Variants in DNAJC10 observed in about 807,000 individuals in gnomAD.
DNAJC10 encodes DnaJ heat shock protein family (Hsp40) member C10, also known as endoplasmic reticulum disulfide reductase DNAJC10.
DNAJC10 carries 101 observed loss-of-function variants against 115.0 expected under a neutral mutation model. The observed-to-expected ratio is 0.88, with a 90% CI of 0.75 to 1.04. The LOEUF is 1.04. DNAJC10 is among the 50% of genes least tolerant of loss of function. The pLI is 0.00. For missense variants in DNAJC10, 981 were observed against 928.8 expected, an observed-to-expected ratio of 1.06 and a Z score of -0.73; for synonymous variants, 307 against 301.5, an observed-to-expected ratio of 1.02 and a Z score of -0.19.
chr2:182,716,408 G>C lies in DNAJC10; in HGVS notation c.-279G>C, dbSNP rs1486975810. The stretch of plus-strand genomic sequence containing the variant: ...CTTCTCTCCTGCACGCGGTGCTTGG[G>C]CTCGGCCAGGCGGGGTCCGCCGCCA... On this transcript the variant is annotated 5_prime_UTR_variant, in exon 1 of 24. Transcript: ENST00000264065. 1.3e-5 allele frequency: 2 copies of C among 152,548 alleles called. No homozygotes were observed. Among genetic ancestry groups the C allele is most frequent in the Admixed American group, 1.3e-4 (2 of 15,294 alleles). The allele number at this position is 152,548 out of a possible 1,614,324, so 9.4% of individuals were successfully genotyped here.
At chr2:182,753,579 G>GTTTTTTTTTTTTTTTTT in intron 16 of DNAJC10, among the ~76,000 whole-genome samples, 1 of 99,400 alleles carries the variant, frequency 1.0e-5, no homozygotes, top group Non-Finnish European at 1.9e-5. Context: ...CTTTAGTTTA[G>GTTTTTTTTTTTTTTTTT]TTTTTTTTTT....
chr2:182,757,596 A>G (rs1694189301), intron 18 of DNAJC10, 96 bp from the exon 19 acceptor site: 1 of 206,704 alleles, frequency 4.8e-6, no homozygotes, highest in African/African-American at 2.6e-5. Context: ...CTGATAAATA[A>G]TATAATAACT....
At chr2:182,759,390 A>C in intron 21 of DNAJC10, 83 bp downstream of exon 21, 2 of 1,409,318 alleles carry the variant, frequency 1.4e-6, no homozygotes, top group Non-Finnish European at 1.9e-6. Flanking sequence ...TGTAATTTTT[A>C]GGTTTTTTTC....
At chr2:182,724,167 T>C (rs1401563724) in intron 5 of DNAJC10, among the ~76,000 whole-genome samples, 3 of 152,342 alleles carry the variant, frequency 2.0e-5, no homozygotes, top group African/African-American at 7.2e-5. Flanking sequence ...GGATTAAATT[T>C]AATATAAGCC....
intron 10 of DNAJC10, among the ~76,000 whole-genome samples, chr2:182,735,461 GT>G (rs1482885564): frequency 8.6e-5 from 13 of 151,716 alleles, no homozygotes; most frequent in African/African-American, 2.9e-4. Context: ...GCTTTTAATT[GT>G]TTGTGATTTT....
At position 182,751,805 on chromosome 2, in the gene DNAJC10, C is replaced by G. The variant is rs1301134824; in HGVS notation, c.1434+20C>G. 5 of 1,607,110 alleles carry G rather than the reference C, an allele frequency of 3.1e-6. No individual in the cohort carries two copies. Among genetic ancestry groups the G allele is most frequent in the Non-Finnish European group, 1.7e-6 (2 of 1,178,386 alleles). ...GCCCCCGTAAGTTATTTTTATCTGT[C>G]AGATTCTAACATTGTCAGATCTTCT... On this transcript the variant is annotated intron_variant, in intron 15 of 23. Transcript: ENST00000264065.
chr2:182,720,472 C>T (rs570368009), intron 4 of DNAJC10, among the ~76,000 whole-genome samples: 51 of 152,258 alleles, frequency 3.3e-4, no homozygotes, highest in African/African-American at 1.2e-3. Context: ...GTATGTAGGA[C>T]ATTGGTCCCA....
chr2:182,737,865 A>C (rs932619405), intron 11 of DNAJC10, among the ~76,000 whole-genome samples: 1 of 152,214 alleles, frequency 6.6e-6, no homozygotes, highest in African/African-American at 2.4e-5. Flanking sequence ...TAACCAATTC[A>C]TCAAGAAAAT....
At chr2:182,759,713 T>A (rs1186962351) in intron 21 of DNAJC10, among the ~76,000 whole-genome samples, 1 of 152,106 alleles carries the variant, frequency 6.6e-6, no homozygotes, top group Admixed American at 6.6e-5. Context: ...CCCTTTATCA[T>A]CTCTTGTCTA....
At chr2:182,718,651 CAGAG>C (rs1046417484) in intron 3 of DNAJC10, among the ~76,000 whole-genome samples, 3 of 152,100 alleles carry the variant, frequency 2.0e-5, no homozygotes, top group African/African-American at 7.2e-5. Flanking sequence ...TTTTAAAACT[CAGAG>C]GGTATGACTT....
In DNAJC10 at chr2:182,775,301, T is replaced by C; in HGVS notation, c.2266-15T>C. The C allele has an allele frequency of 6.8e-7, 1 of 1,467,232 alleles. No homozygotes were observed. The highest frequency in any genetic ancestry group is 9.5e-7 in the Non-Finnish European group (1 of 1,051,192). 90.9% of individuals were successfully genotyped at this position (1,467,232 alleles called of 1,614,324 possible). On this transcript the variant is annotated splice_polypyrimidine_tract_variant and intron_variant, in intron 22 of 23. Transcript: ENST00000264065. ...TATTAAATACTTAAAAGATAACAAG[T>C]GTTTTTAATTTTAGAGAAATTTTCA...
intron 23 of DNAJC10, among the ~76,000 whole-genome samples, chr2:182,776,315 T>TC (rs1235651884): frequency 1.3e-5 from 2 of 152,204 alleles, no homozygotes; most frequent in Non-Finnish European, 2.9e-5. Flanking sequence ...TGTTGGCCCC[T>TC]CTTTGAATCT....
rs548642310 is a variant in DNAJC10 at position 182,740,345 on chromosome 2, A to G, written c.1034A>G (p.His345Arg). ...DAKEIYLEVI[H>R]NLPDFELLSA... is the part of the protein sequence containing the mutation. Reference sequence around the variant, plus strand: ...AAAGAAATATATTTGGAAGTAATACATAATCTTCCAGATTTTGAACTACTT... The same window carrying G: ...AAAGAAATATATTTGGAAGTAATACGTAATCTTCCAGATTTTGAACTACTT... The change falls in exon 12 of 24, where the codon CAT (histidine) becomes CGT (arginine). Residue 345 changes from histidine to arginine, a missense_variant. By Grantham distance (29) the His-to-Arg change is conservative. Coordinates refer to ENST00000264065, the MANE Select transcript of DNAJC10 (RefSeq NM_018981.4). The G allele has an allele frequency of 3.8e-6, 6 of 1,562,834 alleles. No homozygotes were observed. The East Asian group carries it at 7.1e-5, about 18-fold the overall frequency.
In DNAJC10 at chr2:182,788,898, A is replaced by C. The variant is rs74390396; in HGVS notation, c.*11766A>C. 2.3e-6 allele frequency: 1 copy of C among 435,296 alleles called. No individual in the cohort carries two copies. The highest frequency in any genetic ancestry group is 2.1e-5 in the African/African-American group (1 of 48,384). 27.0% of individuals were successfully genotyped at this position (435,296 alleles called of 1,614,324 possible). Reference sequence around the variant, plus strand: ...TTCTTTAAAACTCTTGATTCCTTTTAGAGTTTTTTAAATTGTGATAAAGTA... The same window carrying C: ...TTCTTTAAAACTCTTGATTCCTTTTCGAGTTTTTTAAATTGTGATAAAGTA... On this transcript the variant is annotated 3_prime_UTR_variant, in exon 24 of 24. Coordinates refer to ENST00000264065, the MANE Select transcript of DNAJC10 (RefSeq NM_018981.4).
Position 182,793,917 on chromosome 2 carries a change from G to T in DNAJC10, c.*16785G>T, listed in dbSNP as rs1255886269. 6.6e-6 allele frequency: 1 copy of T among 150,602 alleles called. No individual in the cohort carries two copies. The highest frequency in any genetic ancestry group is 1.5e-5 in the Non-Finnish European group (1 of 67,940). 9.3% of individuals were successfully genotyped at this position (150,602 alleles called of 1,614,324 possible). Reference sequence around the variant, plus strand: ...AGTAATTGGAGCTTGAAGTATTCTAGAAGACTTTGGAGCAAAGCCTTCCAA... The same window carrying T: ...AGTAATTGGAGCTTGAAGTATTCTATAAGACTTTGGAGCAAAGCCTTCCAA... On this transcript the variant is annotated 3_prime_UTR_variant, in exon 24 of 24. Coordinates refer to ENST00000264065, the MANE Select transcript of DNAJC10 (RefSeq NM_018981.4).
rs563375994 is a variant in DNAJC10 at position 182,763,320 on chromosome 2, AATAG to A, written c.2265+523_2265+526del. ...TCATGTTTTCTGGTAAAACATTAAA[AATAG>A]ATAATTTCAAATATTTTTATACTTT... is the stretch of plus-strand genomic sequence containing the variant. On this transcript the variant is annotated intron_variant, in intron 22 of 23. Transcript: ENST00000264065. Among the ~76,000 whole-genome samples, 19 of 152,284 alleles carry A rather than the reference AATAG, an allele frequency of 1.2e-4. No homozygotes were observed. The South Asian group carries it at 3.7e-3, about 30-fold the overall frequency.
At chr2:182,775,166 C>A in intron 22 of DNAJC10, 150 bp from the exon 23 acceptor site, 1 of 563,948 alleles carries the variant, frequency 1.8e-6, no homozygotes, top group Non-Finnish European at 3.2e-6. Context: ...GCTTTTGCAG[C>A]ATTATTTCCT....
At chr2:182,752,233 G>T in intron 16 of DNAJC10, 45 bp downstream of exon 16, 2 of 1,078,086 alleles carry the variant, frequency 1.9e-6, no homozygotes, top group South Asian at 2.0e-5. Flanking sequence ...TTTATAAAAT[G>T]AAGACCTTTT....
chr2:182,774,693 A>G (rs1694657121), intron 22 of DNAJC10, among the ~76,000 whole-genome samples: 2 of 152,242 alleles, frequency 1.3e-5, no homozygotes, highest in Non-Finnish European at 2.9e-5. Context: ...GCAGATTGCT[A>G]AGACCTTGGG....
Sources: gnomAD v4.1 joint callset for allele counts (sites outside exome capture counted in the v4.1 genomes callset) on GRCh38, gnomAD v4.1.1 for gene constraint, MANE v1.5 for transcripts, NCBI Gene and HGNC (gene_info 2026-07-23, HGNC 2026-07-21) for gene names.